NRXN3: variants seen among roughly 807,000 people sequenced by gnomAD.
The protein encoded by NRXN3 is neurexin 3, also known as neurexin III.
NRXN3 carries 32 observed loss-of-function variants against 137.6 expected under a neutral mutation model. The ratio of observed to expected loss-of-function variants is 0.23; its 90% CI spans 0.18 to 0.31. The LOEUF (loss-of-function observed/expected upper bound fraction) is 0.31. Ranked by LOEUF, NRXN3 falls within the 10% of genes least tolerant of loss-of-function variation. The pLI is 1.00. For missense variants in NRXN3, 1,574 were observed against 2,062.5 expected (o/e 0.76, Z 4.59); for synonymous variants, 798 against 784.5 (o/e 1.02, Z -0.29).
At chr14:79,051,598 G>T (rs1018715291) in intron 15 of NRXN3, among the ~76,000 whole-genome samples, 2 of 152,218 alleles carry the variant, frequency 1.3e-5, no homozygotes, top group Non-Finnish European at 2.9e-5. Flanking sequence ...TTCAGAGCTG[G>T]AAAGTCCCTT....
intron 4 of NRXN3, among the ~76,000 whole-genome samples, chr14:78,489,406 G>A (rs2095623200): frequency 6.6e-6 from 1 of 152,120 alleles, no homozygotes; most frequent in Non-Finnish European, 1.5e-5. Flanking sequence ...GGGACAGACT[G>A]GCTAATGTAA....
chr14:78,962,682 A>G (rs1201500403), intron 11 of NRXN3, among the ~76,000 whole-genome samples: 1 of 152,136 alleles, frequency 6.6e-6, no homozygotes, highest in Non-Finnish European at 1.5e-5. Context: ...CGTTTAGCAC[A>G]CAGTGAAGCC....
chr14:78,329,639 T>C (rs1206446175), intron 4 of NRXN3, among the ~76,000 whole-genome samples: 2 of 152,118 alleles, frequency 1.3e-5, no homozygotes, highest in African/African-American at 2.4e-5. Flanking sequence ...CCCATTCTAC[T>C]GACAGTTTTG....
chr14:79,267,650 G>C (rs1031474548), intron 15 of NRXN3, among the ~76,000 whole-genome samples: 1 of 151,550 alleles, frequency 6.6e-6, no homozygotes, highest in Non-Finnish European at 1.5e-5. Context: ...ACCCAGCTAA[G>C]TTTTGTATTT....
At chr14:78,433,220 T>G (rs1390266486) in intron 4 of NRXN3, among the ~76,000 whole-genome samples, 6 of 152,200 alleles carry the variant, frequency 3.9e-5, no homozygotes, top group Admixed American at 3.9e-4. Flanking sequence ...GAGCTACTCT[T>G]AGCTCCTAAG....
At chr14:79,244,375 C>T (rs2074836591) in intron 15 of NRXN3, among the ~76,000 whole-genome samples, 1 of 152,002 alleles carries the variant, frequency 6.6e-6, no homozygotes, top group South Asian at 2.1e-4. Context: ...ATTCTGGACA[C>T]ACACATAAAA....
At chr14:78,257,994 A>C (rs1296278033) in intron 2 of NRXN3, among the ~76,000 whole-genome samples, 3 of 152,180 alleles carry the variant, frequency 2.0e-5, no homozygotes, top group Non-Finnish European at 4.4e-5. Context: ...CTTAATAATT[A>C]GGTATTAATT....
chr14:78,899,538 ATTC>A (rs2099188819), intron 10 of NRXN3, among the ~76,000 whole-genome samples: 2 of 152,090 alleles, frequency 1.3e-5, no homozygotes, highest in South Asian at 4.2e-4. Flanking sequence ...CCCCATCAAT[ATTC>A]TTCTTAGTGA....
chr14:79,207,302 A>C (rs2066922191), intron 15 of NRXN3, among the ~76,000 whole-genome samples: 1 of 151,538 alleles, frequency 6.6e-6, no homozygotes, highest in African/African-American at 2.4e-5. Flanking sequence ...GGAATCTGAG[A>C]ACCCCCACCC....
At chr14:78,893,657 T>C (rs1381324173) in intron 10 of NRXN3, among the ~76,000 whole-genome samples, 1 of 151,966 alleles carries the variant, frequency 6.6e-6, no homozygotes, top group African/African-American at 2.4e-5. Flanking sequence ...CTTGAGCATG[T>C]CTCATCTAAC....
intron 19 of NRXN3, among the ~76,000 whole-genome samples, chr14:79,800,303 G>C (rs1384747699): frequency 2.0e-5 from 3 of 152,212 alleles, no homozygotes; most frequent in African/African-American, 7.2e-5. Context: ...ATGGTGGACA[G>C]TTAAAAATAA....
At chr14:78,583,289 T>G (rs906082656) in intron 4 of NRXN3, among the ~76,000 whole-genome samples, 1 of 152,102 alleles carries the variant, frequency 6.6e-6, no homozygotes, top group Non-Finnish European at 1.5e-5. Context: ...ATTTGTCCAC[T>G]AAAATATTAA....
chr14:78,912,661 T>TA (rs2099242317), intron 10 of NRXN3, among the ~76,000 whole-genome samples: 1 of 152,154 alleles, frequency 6.6e-6, no homozygotes, highest in Non-Finnish European at 1.5e-5. Context: ...TTATTCTTCT[T>TA]ACATCCTCCA....
intron 15 of NRXN3, among the ~76,000 whole-genome samples, chr14:79,014,181 A>T (rs1288960559): frequency 1.3e-5 from 2 of 152,144 alleles, no homozygotes; most frequent in Non-Finnish European, 2.9e-5. Flanking sequence ...TGTCACAGGG[A>T]TTTGGCATAC....
chr14:79,008,581 G>A, intron 15 of NRXN3, among the ~76,000 whole-genome samples: 1 of 151,050 alleles, frequency 6.6e-6, no homozygotes, highest in Non-Finnish European at 1.5e-5. Flanking sequence ...AAATAGTTGT[G>A]TACAAAATAA....
chr14:79,761,684 CAAAAAAAA>C (rs10599873), intron 19 of NRXN3, among the ~76,000 whole-genome samples: 6 of 78,906 alleles, frequency 7.6e-5, no homozygotes, highest in Non-Finnish European at 1.2e-4. Context: ...GACTCTGTCT[CAAAAAAAA>C]AAAAAAAAAA....
chr14:78,287,462 C>T (rs2075301771), intron 3 of NRXN3, among the ~76,000 whole-genome samples: 1 of 152,196 alleles, frequency 6.6e-6, no homozygotes, highest in South Asian at 2.1e-4. Context: ...TGCTCATAAA[C>T]CTGTGGTTAG....
intron 4 of NRXN3, among the ~76,000 whole-genome samples, chr14:78,474,259 C>T (rs1450515016): frequency 2.0e-5 from 3 of 152,308 alleles, no homozygotes; most frequent in Admixed American, 2.0e-4. Context: ...CACCATTCTT[C>T]ATGGTTAAGT....
At chr14:79,710,642 T>TAAC (rs1784769087) in intron 19 of NRXN3, among the ~76,000 whole-genome samples, 2 of 152,238 alleles carry the variant, frequency 1.3e-5, no homozygotes, top group African/African-American at 4.8e-5. Context: ...ATGAGATATA[T>TAAC]AACTGAGGTG....
Sources: gnomAD v4.1 joint callset for allele counts (sites outside exome capture counted in the v4.1 genomes callset) on GRCh38, gnomAD v4.1.1 for gene constraint, MANE v1.5 for transcripts, NCBI Gene and HGNC (gene_info 2026-07-23, HGNC 2026-07-21) for gene names.